Variants in SEMA3D observed in about 807,000 individuals in gnomAD.
SEMA3D encodes semaphorin-3D.
A neutral mutation model predicts 100.1 loss-of-function variants in SEMA3D; 84 were observed. That is an observed-to-expected ratio of 0.84 (90% CI 0.70 to 1.01). The LOEUF is 1.01. SEMA3D is among the 50% of genes least tolerant of loss of function. The pLI is 0.00. For synonymous variants in SEMA3D, 312 were observed against 320.7 expected (o/e 0.97, Z 0.29); for missense variants, 875 against 934.1 (o/e 0.94, Z 0.82).
At chr7:85,185,881 C>G (rs1172047047) in intron 1 of SEMA3D, among the ~76,000 whole-genome samples, 1 of 152,164 alleles carries the variant, frequency 6.6e-6, no homozygotes, top group Admixed American at 6.5e-5. Flanking sequence ...GGTTAAATGC[C>G]CAGCACGAGT....
chr7:84,999,874 T>C lies in SEMA3D; in HGVS notation c.1909-9A>G, dbSNP rs1222853674. On this transcript the variant is annotated splice_polypyrimidine_tract_variant and intron_variant, in intron 18 of 18. Transcript: ENST00000284136. Reference sequence around the variant, plus strand: ...CTTTCATCGGGCTTCAACTGCAGAATTGGAAAAATGTAGGTAATAAATTAA... The same window carrying C: ...CTTTCATCGGGCTTCAACTGCAGAACTGGAAAAATGTAGGTAATAAATTAA... The C allele has an allele frequency of 3.7e-6, 6 of 1,608,614 alleles. No individual in the cohort carries two copies. Among genetic ancestry groups the C allele is most frequent in the Middle Eastern group, 1.7e-4 (1 of 6,056 alleles).
At chr7:85,242,576 A>T in the SEMA3D span, among the ~76,000 whole-genome samples, 2 of 151,118 alleles carry the variant, frequency 1.3e-5, no homozygotes, top group Non-Finnish European at 3.0e-5. Context: ...GTTGACTTAA[A>T]CTCTGTTCCT....
chr7:85,058,616 C>T (rs1345199873), intron 8 of SEMA3D, among the ~76,000 whole-genome samples: 10 of 148,250 alleles, frequency 6.7e-5, no homozygotes, highest in Non-Finnish European at 1.2e-4. Flanking sequence ...GGCGTGGTGG[C>T]GGGCGCCTGC....
chr7:85,147,504 T>C (rs1790250772), intron 2 of SEMA3D, among the ~76,000 whole-genome samples: 1 of 152,146 alleles, frequency 6.6e-6, no homozygotes, highest in Non-Finnish European at 1.5e-5. Flanking sequence ...TATATCTATC[T>C]GTAGATGTGC....
chr7:85,120,097 G>A (rs1461166482), intron 3 of SEMA3D, among the ~76,000 whole-genome samples: 2 of 151,804 alleles, frequency 1.3e-5, no homozygotes, highest in Non-Finnish European at 2.9e-5. Flanking sequence ...TGTACAACTG[G>A]TGGTTTATTT....
chr7:85,228,563 G>C, the SEMA3D span, among the ~76,000 whole-genome samples: 1 of 152,056 alleles, frequency 6.6e-6, no homozygotes, highest in South Asian at 2.1e-4. Flanking sequence ...CCAGGCCATA[G>C]AGTCAAAATT....
chr7:85,236,499 G>T, the SEMA3D span, among the ~76,000 whole-genome samples: 1 of 151,540 alleles, frequency 6.6e-6, no homozygotes, highest in Non-Finnish European at 1.5e-5. Context: ...GTAGAGATGG[G>T]GTTTCACCAT....
the SEMA3D span, among the ~76,000 whole-genome samples, chr7:85,222,830 T>C: frequency 6.6e-6 from 1 of 152,130 alleles, no homozygotes; most frequent in African/African-American, 2.4e-5. Flanking sequence ...AAAGGACTTA[T>C]GAAAATATCA....
rs1163103192 is a variant in SEMA3D, at chr7:85,018,669, T to C, written c.1504-376A>G. Reference sequence around the variant, plus strand: ...TCCATAATTATTTATTACCTCTTTCTGCTCTTACTTAGATCAGTGGTTCAA... The same window carrying C: ...TCCATAATTATTTATTACCTCTTTCCGCTCTTACTTAGATCAGTGGTTCAA... On this transcript the variant is annotated intron_variant, in intron 14 of 18. Coordinates refer to ENST00000284136, the MANE Select transcript of SEMA3D (RefSeq NM_001384900.1). 2.6e-5 allele frequency among the ~76,000 whole-genome samples: 4 copies of C among 151,920 alleles called. No homozygotes were observed. In the South Asian group the frequency reaches 8.3e-4, roughly 31 times the overall value.
chr7:85,084,962 G>A (rs1788175438), intron 4 of SEMA3D, among the ~76,000 whole-genome samples: 1 of 152,272 alleles, frequency 6.6e-6, no homozygotes, highest in South Asian at 2.1e-4. Context: ...TTCTGCAAAG[G>A]ACATGGTCTG....
chr7:85,176,935 T>C (rs1444801221), intron 1 of SEMA3D, among the ~76,000 whole-genome samples: 1 of 152,160 alleles, frequency 6.6e-6, no homozygotes, highest in Non-Finnish European at 1.5e-5. Context: ...ATATCTTTTC[T>C]ATGTTTAGTT....
intron 17 of SEMA3D, 152 bp from the exon 18 acceptor site, chr7:85,007,093 C>T (rs1014484534): frequency 1.8e-5 from 9 of 506,322 alleles, no homozygotes; most frequent in Middle Eastern, 5.2e-4. Context: ...TTACCTGAGA[C>T]AAATATTACA....
chr7:85,225,111 CATATAT>C, the SEMA3D span, among the ~76,000 whole-genome samples: 40 of 26,760 alleles, frequency 1.5e-3, no homozygotes, highest in African/African-American at 0.012. Flanking sequence ...TATATACATA[CATATAT>C]ACATATATAT....
chr7:85,206,328 A>C, the SEMA3D span, among the ~76,000 whole-genome samples: 106 of 152,206 alleles, frequency 7.0e-4, 1 homozygote, highest in Admixed American at 3.9e-3. Flanking sequence ...CATACATAAA[A>C]TTCTTTGGCC....
chr7:85,007,750 T>C, intron 17 of SEMA3D, among the ~76,000 whole-genome samples: 1 of 151,780 alleles, frequency 6.6e-6, no homozygotes, highest in East Asian at 1.9e-4. Flanking sequence ...GGCCCAAATA[T>C]GCACTATTTC....
the SEMA3D span, among the ~76,000 whole-genome samples, chr7:85,214,574 G>T: frequency 6.6e-6 from 1 of 151,690 alleles, no homozygotes; most frequent in South Asian, 2.1e-4. Context: ...TCGGCTTCCT[G>T]CAACCTCTAC....
At chr7:85,046,510 A>C (rs143444635) in intron 9 of SEMA3D, among the ~76,000 whole-genome samples, 1 of 151,976 alleles carries the variant, frequency 6.6e-6, no homozygotes, top group Non-Finnish European at 1.5e-5. Context: ...AAACAAAAAA[A>C]TCCAAGCCAA....
At position 85,028,015 on chromosome 7, in the gene SEMA3D, G is replaced by A. The variant is rs562945859; in HGVS notation, c.1192-5402C>T. 124 of 573,034 alleles carry A rather than the reference G, an allele frequency of 2.2e-4. 1 individual carries two copies. The highest frequency in any genetic ancestry group is 3.8e-4 in the Non-Finnish European group (114 of 300,396). 35.5% of individuals were successfully genotyped at this position (573,034 alleles called of 1,614,324 possible). On this transcript the variant is annotated intron_variant, in intron 12 of 18. Transcript: ENST00000284136. ...CCAAATAATCAAGTTCCAATGAACC[G>A]TGCCAGCATGGCTTTTGATGCCAAA...
chr7:85,058,336 G>A (rs115171100), intron 8 of SEMA3D, among the ~76,000 whole-genome samples: 2,555 of 152,046 alleles, frequency 0.017, 73 homozygotes, highest in African/African-American at 0.058. Flanking sequence ...CCCTGCCCCG[G>A]CCCTCTTTCA....
Sources: gnomAD v4.1 joint callset for allele counts (sites outside exome capture counted in the v4.1 genomes callset) on GRCh38, gnomAD v4.1.1 for gene constraint, MANE v1.5 for transcripts, NCBI Gene and HGNC (gene_info 2026-07-23, HGNC 2026-07-21) for gene names.